The following IDE variants were observed in gnomAD, a reference collection of about 807,000 sequenced individuals.
IDE encodes the protein insulin degrading enzyme.
A neutral mutation model predicts 133.2 loss-of-function variants in IDE; 58 were observed. That is an observed-to-expected ratio of 0.44 (90% confidence interval 0.35 to 0.54). The LOEUF is 0.54. Ranked by LOEUF, IDE falls within the 20% of genes least tolerant of loss-of-function variation. IDE has a pLI of 0.00. For missense variants in IDE, 981 were observed against 1,234.0 expected (o/e 0.79, Z 3.07); for synonymous variants, 396 against 421.3 (o/e 0.94, Z 0.73).
intron 1 of IDE, among the ~76,000 whole-genome samples, chr10:92,548,568 A>T (rs1183592687): frequency 1.3e-5 from 2 of 152,236 alleles, no homozygotes; most frequent in East Asian, 3.9e-4. Flanking sequence ...TTATAAAATC[A>T]TCATCATTAT....
intron 4 of IDE, among the ~76,000 whole-genome samples, chr10:92,530,283 A>G (rs1849851816): frequency 6.6e-6 from 1 of 151,880 alleles, no homozygotes; most frequent in African/African-American, 2.4e-5. Flanking sequence ...ATGCTTTTGA[A>G]AAAACAAAAA....
At chr10:92,524,784 G>A (rs967508025) in intron 4 of IDE, among the ~76,000 whole-genome samples, 1 of 150,352 alleles carries the variant, frequency 6.7e-6, no homozygotes, top group Admixed American at 6.8e-5. Context: ...TTAACCAGAT[G>A]TGGTAATGGG....
intron 17 of IDE, among the ~76,000 whole-genome samples, chr10:92,471,892 T>C (rs985806021): frequency 1.3e-5 from 2 of 152,018 alleles, no homozygotes; most frequent in South Asian, 4.2e-4. Context: ...AGAGATGGGG[T>C]TTTGCCATGT....
chr10:92,547,335 C>T (rs921323781), intron 1 of IDE, among the ~76,000 whole-genome samples: 3 of 151,866 alleles, frequency 2.0e-5, no homozygotes, highest in African/African-American at 4.8e-5. Flanking sequence ...CTGCCCGCTT[C>T]GGCCTCCCAA....
chr10:92,466,304 A>T (rs1188561304), intron 19 of IDE, among the ~76,000 whole-genome samples: 1 of 149,224 alleles, frequency 6.7e-6, no homozygotes, highest in Non-Finnish European at 1.5e-5. Context: ...CCCACCTCAC[A>T]TCCTTCTAGC....
chr10:92,560,956 G>A (rs950003363), intron 1 of IDE, among the ~76,000 whole-genome samples: 11 of 151,194 alleles, frequency 7.3e-5, no homozygotes, highest in East Asian at 2.0e-4. Flanking sequence ...AACTCAGGCC[G>A]GGTGTGGTGG....
chr10:92,542,987 A>T lies in IDE; in HGVS notation c.99-5437T>A, dbSNP rs541996309. Reference sequence around the variant, plus strand: ...TCATCTCTCTTTAAAGTGTTTCATGATCAATATAGTAGCAGATTGGGAAAT... The same window carrying T: ...TCATCTCTCTTTAAAGTGTTTCATGTTCAATATAGTAGCAGATTGGGAAAT... On this transcript the variant is annotated intron_variant, in intron 1 of 24. Coordinates refer to ENST00000265986, the MANE Select transcript of IDE (RefSeq NM_004969.4). Among the ~76,000 whole-genome samples, 9 of 152,304 alleles carry T rather than the reference A, an allele frequency of 5.9e-5. No homozygotes were observed. The South Asian group carries it at 1.9e-3, about 32-fold the overall frequency.
intron 18 of IDE, among the ~76,000 whole-genome samples, chr10:92,469,944 C>T (rs925918482): frequency 3.3e-5 from 5 of 152,154 alleles, no homozygotes; most frequent in East Asian, 1.9e-4. Flanking sequence ...TCTAATTCTA[C>T]AGCACGTGCT....
At chr10:92,516,637 T>C (rs1848945386) in intron 4 of IDE, among the ~76,000 whole-genome samples, 1 of 152,220 alleles carries the variant, frequency 6.6e-6, no homozygotes, top group Non-Finnish European at 1.5e-5. Context: ...ATGTACTCCA[T>C]AATTAATTGA....
At chr10:92,537,077 T>C (rs1375551496) in intron 2 of IDE, among the ~76,000 whole-genome samples, 1 of 151,250 alleles carries the variant, frequency 6.6e-6, no homozygotes, top group Non-Finnish European at 1.5e-5. Flanking sequence ...TTATATTAAA[T>C]GTACCACGGT....
At chr10:92,475,629 T>A (rs925482336) in intron 16 of IDE, among the ~76,000 whole-genome samples, 1 of 152,108 alleles carries the variant, frequency 6.6e-6, no homozygotes, top group East Asian at 1.9e-4. Flanking sequence ...TCTTTGAAAT[T>A]CAGAGCTGCA....
At chr10:92,517,676 G>C (rs993823329) in intron 4 of IDE, among the ~76,000 whole-genome samples, 1 of 152,132 alleles carries the variant, frequency 6.6e-6, no homozygotes, top group Non-Finnish European at 1.5e-5. Context: ...CTAATGACCA[G>C]TTCAAGCTGG....
At chr10:92,526,483 T>G (rs1849628387) in intron 4 of IDE, among the ~76,000 whole-genome samples, 2 of 152,122 alleles carry the variant, frequency 1.3e-5, no homozygotes, top group Non-Finnish European at 1.5e-5. Context: ...TTAACATTAT[T>G]ATGGGCTTCA....
chr10:92,538,451 G>C (rs1291333345), intron 1 of IDE, among the ~76,000 whole-genome samples: 1 of 152,170 alleles, frequency 6.6e-6, no homozygotes, highest in Admixed American at 6.5e-5. Flanking sequence ...CAATAACAAG[G>C]ACATAAAACA....
intron 16 of IDE, among the ~76,000 whole-genome samples, chr10:92,475,620 CTT>C (rs1846214497): frequency 6.6e-6 from 1 of 152,100 alleles, no homozygotes; most frequent in Admixed American, 6.5e-5. Context: ...AAGTGCTTCT[CTT>C]TGAAATTCAG....
At chr10:92,455,345 G>T (rs571139302) in intron 24 of IDE, among the ~76,000 whole-genome samples, 1 of 152,058 alleles carries the variant, frequency 6.6e-6, no homozygotes, top group African/African-American at 2.4e-5. Context: ...GCATGGTGGC[G>T]TGTGCCTGTA....
At chr10:92,484,797 C>A (rs1846868613) in intron 13 of IDE, among the ~76,000 whole-genome samples, 1 of 151,366 alleles carries the variant, frequency 6.6e-6, no homozygotes, top group Admixed American at 6.6e-5. Context: ...ATGGTTCATG[C>A]CTATAATCCC....
chr10:92,464,989 A>G (rs10882066), intron 20 of IDE, among the ~76,000 whole-genome samples: 14,488 of 152,184 alleles, frequency 0.095, 804 homozygotes, highest in South Asian at 0.17. Context: ...AGCTCTTATA[A>G]TAACATTTAC....
intron 5 of IDE, among the ~76,000 whole-genome samples, chr10:92,514,444 G>GT (rs1174794165): frequency 1.3e-4 from 19 of 149,050 alleles, no homozygotes; most frequent in Admixed American, 2.0e-4. Context: ...CTTTTTGTGT[G>GT]TTTTTTTTTA....
Sources: gnomAD v4.1 joint callset for allele counts (sites outside exome capture counted in the v4.1 genomes callset) on GRCh38, gnomAD v4.1.1 for gene constraint, MANE v1.5 for transcripts, NCBI Gene and HGNC (gene_info 2026-07-23, HGNC 2026-07-21) for gene names.